Variants in GNB2 observed in about 807,000 individuals in gnomAD.
GNB2 encodes the protein G protein subunit beta 2, also known as guanine nucleotide-binding protein G(I)/G(S)/G(T) subunit beta-2.
A neutral mutation model predicts 40.7 loss-of-function variants in GNB2; 7 were observed. That is an observed-to-expected ratio of 0.17 (90% confidence interval 0.10 to 0.32). The LOEUF (loss-of-function observed/expected upper bound fraction) is 0.32, where lower values mean the gene tolerates loss of function less well. Among genes scored for constraint, GNB2 ranks in the 10% least tolerant of loss-of-function variants. The probability of loss-of-function intolerance (pLI) is 1.00; values close to 1 mark genes in which losing one functional copy is unlikely to be tolerated. For missense variants in GNB2, 286 were observed against 473.0 expected, an observed-to-expected ratio of 0.60 and a Z score of 3.67; for synonymous variants, 254 against 191.2, an observed-to-expected ratio of 1.33 and a Z score of -2.71.
intron 7 of GNB2, 111 bp from the exon 8 acceptor site, chr7:100,677,987 G>T (rs1379592635): frequency 1.9e-6 from 2 of 1,066,644 alleles, no homozygotes; most frequent in African/African-American, 1.6e-5. Flanking sequence ...TCTGAGAAGA[G>T]CCTCCCTGGA....
At chr7:100,677,693 G>C in intron 6 of GNB2, 33 bp downstream of exon 6, 1 of 1,612,892 alleles carries the variant, frequency 6.2e-7, no homozygotes, top group Non-Finnish European at 8.5e-7. Context: ...GGCCCTTTTT[G>C]GGGTTGGGGG....
chr7:100,674,720 G>A (rs189486062), intron 1 of GNB2, among the ~76,000 whole-genome samples: 2 of 152,230 alleles, frequency 1.3e-5, no homozygotes, highest in Admixed American at 1.3e-4. Context: ...CCTAGAGTCT[G>A]GGGGCTGCTG....
Position 100,673,817 on chromosome 7 carries a change from GCCGCCGC to G in GNB2, c.-194_-188del. ...GGGGCCACTGAGGAAATCCATCCGCGCCGCCGCCGCCGCCGCCGCCGCCGCCGCCGCC... is the reference window on the plus strand; with the variant it reads ...GGGGCCACTGAGGAAATCCATCCGCGCGCCGCCGCCGCCGCCGCCGCCGCC... On this transcript the variant is annotated 5_prime_UTR_variant, in exon 1 of 10. Transcript: ENST00000303210. The G allele has an allele frequency of 1.8e-4, 1 of 5,634 alleles. No individual in the cohort carries two copies. Among genetic ancestry groups the G allele is most frequent in the Non-Finnish European group, 3.1e-4 (1 of 3,178 alleles). 0.3% of individuals were successfully genotyped at this position (5,634 alleles called of 1,614,324 possible). A position where few individuals can be genotyped will look rare whatever the true frequency, so the allele number is the denominator to read the frequency against.
intron 4 of GNB2, 147 bp downstream of exon 4, chr7:100,676,946 T>C: frequency 1.6e-6 from 1 of 612,570 alleles, no homozygotes; most frequent in Non-Finnish European, 2.9e-6. Flanking sequence ...CCGCCAGACC[T>C]GGACAGGCAG....
intron 7 of GNB2, 73 bp downstream of exon 7, chr7:100,677,891 T>C: frequency 7.4e-7 from 1 of 1,347,546 alleles, no homozygotes; most frequent in Non-Finnish European, 1.1e-6. Context: ...GTCCCAGTGC[T>C]CAACATGCAG....
intron 3 of GNB2, 57 bp from the exon 4 acceptor site, chr7:100,676,636 G>GC (rs1251164878): frequency 6.5e-7 from 1 of 1,545,526 alleles, no homozygotes; most frequent in Non-Finnish European, 8.9e-7. Context: ...AGAGGCCGCT[G>GC]CCCTCTGCAG....
chr7:100,678,068 A>G (rs1284132060), intron 7 of GNB2, 30 bp from the exon 8 acceptor site: 2 of 1,560,654 alleles, frequency 1.3e-6, no homozygotes. Context: ...CCTGTCTCTT[A>G]TCTTTTCTTT....
At position 100,677,554 on chromosome 7, in the gene GNB2, A is replaced by G. The variant is rs2131350656; in HGVS notation, c.324A>G (p.Ser108=). 6.2e-7 allele frequency: 1 copy of G among 1,613,514 alleles called. No individual in the cohort carries two copies. Among genetic ancestry groups the G allele is most frequent in the East Asian group, 2.2e-5 (1 of 44,890 alleles). Residue 108 remains serine (S), a synonymous_variant, in exon 6 of 10, where the codon TCA becomes TCG. Transcript: ENST00000303210. ...SWVMTCAYAP[S]GNFVACGGLD... is the part of the protein sequence containing the mutation. ...TAATGACCTGTGCCTACGCGCCCTC[A>G]GGGAACTTTGTGGCCTGTGGGGGGT...
At chr7:100,677,110 C>A in intron 4 of GNB2, 1 of 594,570 alleles carries the variant, frequency 1.7e-6, no homozygotes, top group South Asian at 2.0e-5. Context: ...CCTGGCTCTA[C>A]TAAAAATTGA....
At chr7:100,677,233 T>C (rs906878720) in intron 4 of GNB2, 119 bp from the exon 5 acceptor site, 14 of 741,114 alleles carry the variant, frequency 1.9e-5, no homozygotes, top group African/African-American at 1.7e-4. Flanking sequence ...GCTGTGATGG[T>C]GCCACTGCAC....
intron 4 of GNB2, 45 bp from the exon 5 acceptor site, chr7:100,677,307 G>A: frequency 1.3e-6 from 2 of 1,529,748 alleles, no homozygotes; most frequent in Non-Finnish European, 1.8e-6. Flanking sequence ...GGTGTGTCTT[G>A]TTTTCACGCC....
Position 100,677,816 on chromosome 7 carries a change from C to G in GNB2, c.495C>G (p.Thr165=), listed in dbSNP as rs764259151. Reference sequence around the variant, plus strand: ...TCATCACCAGCTCTGGGGATACCACCTGGTGAGGCTCTGCCAGGGCTGGGC... The same window carrying G: ...TCATCACCAGCTCTGGGGATACCACGTGGTGAGGCTCTGCCAGGGCTGGGC... ...NQIITSSGDT[T]CALWDIETGQ... is the part of the protein sequence containing the mutation. The change falls in exon 7 of 10, where the codon ACC becomes ACG. Residue 165 remains threonine, a splice_region_variant and synonymous_variant. Transcript: ENST00000303210. 1 of 1,612,954 alleles carries G rather than the reference C, an allele frequency of 6.2e-7. No individual in the cohort carries two copies. Among genetic ancestry groups the G allele is most frequent in the East Asian group, 2.2e-5 (1 of 44,888 alleles).
At chr7:100,678,673 C>T in intron 9 of GNB2, 22 bp from the exon 10 acceptor site, 1 of 1,611,512 alleles carries the variant, frequency 6.2e-7, no homozygotes, top group Non-Finnish European at 8.5e-7. Flanking sequence ...CCAATGGGTT[C>T]TGACTTCTCT....
At chr7:100,678,669 G>A in intron 9 of GNB2, 26 bp from the exon 10 acceptor site, 1 of 1,609,996 alleles carries the variant, frequency 6.2e-7, no homozygotes, top group Non-Finnish European at 8.5e-7. Context: ...AGGCCCAATG[G>A]GTTCTGACTT....
Position 100,678,678 on chromosome 7 carries a change from T to C in GNB2, c.917-17T>C, listed in dbSNP as rs774048981. The C allele has an allele frequency of 2.5e-6, 4 of 1,611,818 alleles. No homozygotes were observed. Among genetic ancestry groups the C allele is most frequent in the Non-Finnish European group, 3.4e-6 (4 of 1,178,434 alleles). On this transcript the variant is annotated splice_polypyrimidine_tract_variant and intron_variant, in intron 9 of 9. Transcript: ENST00000303210. ...GAGCCCAGGCCCAATGGGTTCTGACTTCTCTCTTCTTCACAGGAGTCCTCG... is the reference window on the plus strand; with the variant it reads ...GAGCCCAGGCCCAATGGGTTCTGACCTCTCTCTTCTTCACAGGAGTCCTCG...
rs753129673 is a variant in GNB2 at position 100,678,236 on chromosome 7, C to T, written c.636C>T (p.Asp212=). ...GACDASIKLW[D]VRDSMCRQTF... is the part of the protein sequence containing the mutation. ...GTGATGCCTCTATCAAGCTGTGGGA[C>T]GTGCGGGATTCCATGTGCCGACAGA... is the stretch of plus-strand genomic sequence containing the variant. The change falls in exon 8 of 10, where the codon GAC becomes GAT. Residue 212 remains aspartate (D), a synonymous_variant. Coordinates refer to ENST00000303210, the MANE Select transcript of GNB2 (RefSeq NM_005273.4). 104 of 1,613,992 alleles carry T rather than the reference C, an allele frequency of 6.4e-5. No individual in the cohort carries two copies. The highest frequency in any genetic ancestry group is 4.5e-4 in the Admixed American group (27 of 60,032).
Position 100,678,274 on chromosome 7 carries a change from A to G in GNB2, c.674A>G (p.His225Arg). Residue 225 changes from histidine (H) to arginine (R), a missense_variant, in exon 8 of 10, where the codon CAT (histidine) becomes CGT (arginine). Coordinates refer to ENST00000303210, the MANE Select transcript of GNB2 (RefSeq NM_005273.4). ...DSMCRQTFIG[H>R]ESDINAVAFF... ...ATGTGCCGACAGACCTTCATCGGCC[A>G]TGAATCCGACATCAATGCAGTGGCT... 1 of 1,613,860 alleles carries G rather than the reference A, an allele frequency of 6.2e-7. No homozygotes were observed. The highest frequency in any genetic ancestry group is 8.5e-7 in the Non-Finnish European group (1 of 1,179,912).
At chr7:100,677,440 G>C (rs1804374782) in intron 5 of GNB2, 25 bp downstream of exon 5, 1 of 1,613,150 alleles carries the variant, frequency 6.2e-7, no homozygotes, top group Admixed American at 1.7e-5. Context: ...GCTGCGGGGT[G>C]GGGCAGGGCC....
intron 1 of GNB2, among the ~76,000 whole-genome samples, chr7:100,674,750 G>T (rs1398563207): frequency 1.3e-5 from 2 of 152,040 alleles, no homozygotes; most frequent in African/African-American, 4.8e-5. Context: ...GGGGGTGATG[G>T]GGACCGAGGG....
Sources: gnomAD v4.1 joint callset for allele counts (sites outside exome capture counted in the v4.1 genomes callset) on GRCh38, gnomAD v4.1.1 for gene constraint, MANE v1.5 for transcripts, NCBI Gene and HGNC (gene_info 2026-07-23, HGNC 2026-07-21) for gene names.